Variants in TICAM2 observed in about 807,000 individuals in gnomAD.
The protein encoded by TICAM2 is TIR domain-containing adapter molecule 2.
Under a neutral mutation model 7.3 loss-of-function variants are expected in TICAM2, and 8 were observed. The ratio of observed to expected loss-of-function variants is 1.10; its 90% confidence interval spans 0.65 to 1.99. TICAM2 has a LOEUF of 1.99. Among genes scored for constraint, TICAM2 ranks in the 30% most tolerant of loss-of-function variants. The pLI is 0.00. For missense variants in TICAM2, 304 were observed against 278.8 expected, an observed-to-expected ratio of 1.09 and a Z score of -0.65; for synonymous variants, 113 against 99.6, an observed-to-expected ratio of 1.13 and a Z score of -0.80.
chr5:115,598,985 T>C (rs1755613300), intron 1 of TICAM2, among the ~76,000 whole-genome samples: 3 of 151,812 alleles, frequency 2.0e-5, no homozygotes, highest in African/African-American at 7.3e-5. Context: ...GCCCAGCTAT[T>C]TGGGAGGTTG....
intron 1 of TICAM2, among the ~76,000 whole-genome samples, chr5:115,589,838 A>G (rs1390477673): frequency 3.3e-5 from 5 of 152,248 alleles, no homozygotes; most frequent in African/African-American, 1.2e-4. Flanking sequence ...AGCCTAGCAT[A>G]TAGTTAGCAT....
chr5:115,590,927 C>A (rs1755278493), intron 1 of TICAM2, among the ~76,000 whole-genome samples: 1 of 152,202 alleles, frequency 6.6e-6, no homozygotes, highest in African/African-American at 2.4e-5. Context: ...CCTTCTCAGT[C>A]TCCTTTACTA....
At chr5:115,584,058 T>C (rs1580406412) in intron 1 of TICAM2, among the ~76,000 whole-genome samples, 1 of 152,212 alleles carries the variant, frequency 6.6e-6, no homozygotes, top group African/African-American at 2.4e-5. Flanking sequence ...TGTGTCTCCA[T>C]CCATCCTGTT....
intron 1 of TICAM2, among the ~76,000 whole-genome samples, chr5:115,587,811 A>T (rs1249208201): frequency 6.6e-6 from 1 of 152,120 alleles, no homozygotes; most frequent in East Asian, 1.9e-4. Context: ...AGCATCTTAG[A>T]TTGGGGATAC....
At chr5:115,586,299 T>C (rs561253114) in intron 1 of TICAM2, among the ~76,000 whole-genome samples, 2 of 152,238 alleles carry the variant, frequency 1.3e-5, no homozygotes, top group South Asian at 4.1e-4. Flanking sequence ...TTTGGATAGT[T>C]GATGATCTGT....
chr5:115,598,810 C>T (rs867072858), intron 1 of TICAM2, among the ~76,000 whole-genome samples: 83 of 151,996 alleles, frequency 5.5e-4, no homozygotes, highest in African/African-American at 1.7e-3. Flanking sequence ...ACATACGCTA[C>T]TGATAACAGA....
chr5:115,598,791 GGT>G (rs1324028247), intron 1 of TICAM2, among the ~76,000 whole-genome samples: 8 of 151,890 alleles, frequency 5.3e-5, no homozygotes, highest in Non-Finnish European at 8.8e-5. Context: ...TACAAGAAGG[GGT>G]GATAGTACAT....
At chr5:115,588,407 G>A (rs1755189001) in intron 1 of TICAM2, among the ~76,000 whole-genome samples, 1 of 152,172 alleles carries the variant, frequency 6.6e-6, no homozygotes, top group South Asian at 2.1e-4. Flanking sequence ...ACTTCACGTT[G>A]TACCTTTTAG....
chr5:115,598,750 T>C (rs1755604851), intron 1 of TICAM2, among the ~76,000 whole-genome samples: 1 of 152,168 alleles, frequency 6.6e-6, no homozygotes, highest in South Asian at 2.1e-4. Context: ...ATCCTAATTC[T>C]GAAATAAGAA....
chr5:115,590,890 T>C (rs1322443495), intron 1 of TICAM2, among the ~76,000 whole-genome samples: 3 of 152,134 alleles, frequency 2.0e-5, no homozygotes, highest in African/African-American at 7.2e-5. Flanking sequence ...TATACCATCA[T>C]GTGTCAGTCT....
At chr5:115,581,582 C>T (rs1258572601) in intron 1 of TICAM2, 3 of 376,516 alleles carry the variant, frequency 8.0e-6, no homozygotes, top group African/African-American at 2.1e-5. Flanking sequence ...TATATTAGCA[C>T]TACAAACCTC....
intron 1 of TICAM2, among the ~76,000 whole-genome samples, chr5:115,592,891 C>T (rs1755362744): frequency 6.6e-6 from 1 of 152,162 alleles, no homozygotes; most frequent in Non-Finnish European, 1.5e-5. Context: ...GCCTGTAATC[C>T]CAACACTTTG....
At chr5:115,591,069 G>GA (rs932989773) in intron 1 of TICAM2, among the ~76,000 whole-genome samples, 151 of 147,368 alleles carry the variant, frequency 1.0e-3, no homozygotes, top group Middle Eastern at 3.5e-3. Flanking sequence ...AGACAAAATA[G>GA]AAAAAAAAAA....
chr5:115,590,411 T>C (rs776454794), intron 1 of TICAM2, among the ~76,000 whole-genome samples: 1 of 152,204 alleles, frequency 6.6e-6, no homozygotes, highest in Non-Finnish European at 1.5e-5. Context: ...ATTATCTAAC[T>C]ATGAAGAAAT....
chr5:115,588,999 T>C (rs1755210529), intron 1 of TICAM2, among the ~76,000 whole-genome samples: 1 of 152,220 alleles, frequency 6.6e-6, no homozygotes, highest in African/African-American at 2.4e-5. Context: ...GACACACCTT[T>C]CTACTTAAAC....
intron 1 of TICAM2, among the ~76,000 whole-genome samples, chr5:115,601,694 A>G (rs76081272): frequency 1.3e-5 from 2 of 152,240 alleles, no homozygotes; most frequent in African/African-American, 2.4e-5. Context: ...TTTTTATCCA[A>G]ATTAGCTTTG....
At chr5:115,583,514 C>T (rs899451450) in intron 1 of TICAM2, among the ~76,000 whole-genome samples, 1 of 152,156 alleles carries the variant, frequency 6.6e-6, no homozygotes, top group Non-Finnish European at 1.5e-5. Context: ...AGCAGTGTCA[C>T]CCACCTAATC....
intron 1 of TICAM2, among the ~76,000 whole-genome samples, chr5:115,596,229 T>A (rs1317404043): frequency 6.6e-6 from 1 of 152,218 alleles, no homozygotes; most frequent in Admixed American, 6.5e-5. Flanking sequence ...ATCCTGGTCT[T>A]CTGCACTGCC....
chr5:115,596,246 T>C (rs1241189492), intron 1 of TICAM2, among the ~76,000 whole-genome samples: 3 of 152,204 alleles, frequency 2.0e-5, no homozygotes, highest in Non-Finnish European at 2.9e-5. Context: ...TGCCTCCTAA[T>C]TGGTCCCCTA....
Sources: gnomAD v4.1 joint callset for allele counts (sites outside exome capture counted in the v4.1 genomes callset) on GRCh38, gnomAD v4.1.1 for gene constraint, MANE v1.5 for transcripts, NCBI Gene and HGNC (gene_info 2026-07-23, HGNC 2026-07-21) for gene names.